GLI2: variants seen among roughly 807,000 people sequenced by gnomAD.
GLI2 encodes transcription activator GLI2.
A neutral mutation model predicts 78.9 loss-of-function variants in GLI2; 22 were observed. The ratio of observed to expected loss-of-function variants is 0.28; its 90% CI spans 0.20 to 0.40. GLI2 has a LOEUF of 0.40. Ranked by LOEUF, GLI2 falls within the 10% of genes least tolerant of loss-of-function variation. The probability of loss-of-function intolerance (pLI) is 1.00; values close to 1 mark genes in which losing one functional copy is unlikely to be tolerated. For synonymous variants in GLI2, 974 were observed against 963.7 expected (o/e 1.01, Z -0.20); for missense variants, 2,097 against 2,213.2 (o/e 0.95, Z 1.05).
At chr2:120,862,324 A>T (rs1687937558) in intron 2 of GLI2, among the ~76,000 whole-genome samples, 1 of 152,192 alleles carries the variant, frequency 6.6e-6, no homozygotes, top group Non-Finnish European at 1.5e-5. Context: ...TAACATAAGG[A>T]TGCAGTTCGC....
At chr2:120,935,294 G>A (rs550600571) in intron 3 of GLI2, among the ~76,000 whole-genome samples, 1 of 152,196 alleles carries the variant, frequency 6.6e-6, no homozygotes, top group Non-Finnish European at 1.5e-5. Flanking sequence ...CTTAAAACCG[G>A]CTGTTGCTGA....
chr2:120,920,900 GA>G (rs11439015), intron 2 of GLI2, among the ~76,000 whole-genome samples: 105 of 140,104 alleles, frequency 7.5e-4, no homozygotes, highest in African/African-American at 2.2e-3. Flanking sequence ...TCTTTTACTT[GA>G]AAAAAAAAAA....
chr2:120,948,810 C>T (rs923244321), intron 3 of GLI2, among the ~76,000 whole-genome samples: 2 of 152,194 alleles, frequency 1.3e-5, no homozygotes, highest in African/African-American at 2.4e-5. Context: ...GTAGGGCCAC[C>T]GGCATCTGAT....
intron 12 of GLI2, among the ~76,000 whole-genome samples, chr2:120,985,614 A>T (rs1004849249): frequency 6.6e-6 from 1 of 152,210 alleles, no homozygotes; most frequent in Admixed American, 6.5e-5. Context: ...ATTTGGCCTA[A>T]CAATGAGCCC....
intron 2 of GLI2, among the ~76,000 whole-genome samples, chr2:120,889,633 A>G (rs1437431277): frequency 1.3e-5 from 2 of 152,312 alleles, no homozygotes; most frequent in South Asian, 4.1e-4. Flanking sequence ...ACTCAACAGT[A>G]AAAAAGAAAC....
At position 120,871,583 on chromosome 2, in the gene GLI2, T is replaced by C. The variant is rs140837322; in HGVS notation, c.149-55778T>C. Reference sequence around the variant, plus strand: ...AATCATGGGCTGATCTGTGCTCTTATAGGTATGGCTTGCAAAGGACGTCTT... The same window carrying C: ...AATCATGGGCTGATCTGTGCTCTTACAGGTATGGCTTGCAAAGGACGTCTT... On this transcript the variant is annotated intron_variant, in intron 2 of 13. Coordinates refer to ENST00000361492, the MANE Select transcript of GLI2 (RefSeq NM_001374353.1). Among the ~76,000 whole-genome samples the C allele has an allele frequency of 6.1e-3, 926 of 152,304 alleles. 2 individuals carry two copies. The highest frequency in any genetic ancestry group is 0.01 in the Non-Finnish European group (686 of 68,014).
chr2:120,750,028 G>C (rs1338504188), intron 1 of GLI2, among the ~76,000 whole-genome samples: 1 of 152,246 alleles, frequency 6.6e-6, no homozygotes. Context: ...CCTGGGGTCT[G>C]TTTCTCATCC....
chr2:120,746,915 T>G (rs530393745), intron 1 of GLI2, among the ~76,000 whole-genome samples: 1 of 152,344 alleles, frequency 6.6e-6, no homozygotes, highest in East Asian at 1.9e-4. Context: ...ATCTCTCATG[T>G]TATTAATAAT....
intron 3 of GLI2, 149 bp downstream of exon 3, chr2:120,927,615 A>T (rs151117971): frequency 3.6e-5 from 26 of 726,176 alleles, no homozygotes; most frequent in Non-Finnish European, 5.5e-5. Context: ...CACCTTTGCT[A>T]TCATGGCCTG....
At chr2:120,943,870 G>A (rs963786470) in intron 3 of GLI2, among the ~76,000 whole-genome samples, 23 of 152,286 alleles carry the variant, frequency 1.5e-4, no homozygotes, top group Admixed American at 7.2e-4. Context: ...ACCGAGGCTG[G>A]GGTGTGGGGG....
chr2:120,961,258 TGGATCCG>T (rs1202666851), intron 5 of GLI2, among the ~76,000 whole-genome samples: 2 of 152,206 alleles, frequency 1.3e-5, no homozygotes, highest in African/African-American at 4.8e-5. Context: ...ATGCTGCCTG[TGGATCCG>T]GGGGGTTTTC....
chr2:120,982,669 G>T (rs372000483), intron 10 of GLI2, 47 bp from the exon 11 acceptor site: 15 of 1,569,308 alleles, frequency 9.6e-6, no homozygotes, highest in East Asian at 4.5e-5. Context: ...CGGCCTCAAG[G>T]TTGGGCCCCC....
intron 2 of GLI2, among the ~76,000 whole-genome samples, chr2:120,892,319 A>G (rs1206648259): frequency 6.6e-6 from 1 of 152,140 alleles, no homozygotes; most frequent in Non-Finnish European, 1.5e-5. Context: ...GGGCTGAGGA[A>G]CTACGTGGTC....
chr2:120,902,245 G>C (rs866590771), intron 2 of GLI2, among the ~76,000 whole-genome samples: 31 of 116,534 alleles, frequency 2.7e-4, no homozygotes, highest in Admixed American at 2.2e-3. Flanking sequence ...TTGTTAACAT[G>C]TGTCAGCATA....
At chr2:120,901,434 G>A (rs1400611927) in intron 2 of GLI2, among the ~76,000 whole-genome samples, 2 of 152,184 alleles carry the variant, frequency 1.3e-5, no homozygotes, top group African/African-American at 4.8e-5. Context: ...TGTTTGGCCG[G>A]CCCATATGAC....
chr2:120,969,937 G>A (rs1364634696), intron 6 of GLI2, among the ~76,000 whole-genome samples: 1 of 152,172 alleles, frequency 6.6e-6, no homozygotes, highest in African/African-American at 2.4e-5. Flanking sequence ...TTATGCAAGT[G>A]GTGTGACAGA....
chr2:120,886,626 A>C (rs1384567134), intron 2 of GLI2, among the ~76,000 whole-genome samples: 2 of 152,148 alleles, frequency 1.3e-5, no homozygotes, highest in African/African-American at 2.4e-5. Context: ...AGCTCATACT[A>C]GCCTTCCTGA....
chr2:120,854,568 G>A (rs927727075), intron 2 of GLI2, among the ~76,000 whole-genome samples: 1 of 152,208 alleles, frequency 6.6e-6, no homozygotes, highest in African/African-American at 2.4e-5. Flanking sequence ...AGCTGCAGAA[G>A]GGGTCGTGTT....
rs1682332528 is a variant in GLI2, at chr2:120,735,902, C to T, written c.-414C>T. ...TTGCAGAAGTGCCGGCGCTTGCCAG[C>T]CGAGGCAGCACGGCTCCGCGGACTT... On this transcript the variant is annotated 5_prime_UTR_variant, in exon 1 of 14. Coordinates refer to ENST00000361492, the MANE Select transcript of GLI2 (RefSeq NM_001374353.1). 6.6e-6 allele frequency among the ~76,000 whole-genome samples: 1 copy of T among 151,978 alleles called. No individual in the cohort carries two copies. Among genetic ancestry groups the T allele is most frequent in the Admixed American group, 6.5e-5 (1 of 15,268 alleles).
Sources: gnomAD v4.1 joint callset for allele counts (sites outside exome capture counted in the v4.1 genomes callset) on GRCh38, gnomAD v4.1.1 for gene constraint, MANE v1.5 for transcripts, NCBI Gene and HGNC (gene_info 2026-07-23, HGNC 2026-07-21) for gene names.